The following ABCC11 variants were observed in gnomAD, a reference collection of about 807,000 sequenced individuals.
ABCC11 encodes ATP binding cassette subfamily C member 11, also known as ATP-binding cassette sub-family C member 11.
A neutral mutation model predicts 149.3 loss-of-function variants in ABCC11; 135 were observed. That is an observed-to-expected ratio of 0.90 (90% confidence interval 0.79 to 1.04). The LOEUF is 1.04. Among genes scored for constraint, ABCC11 ranks in the 50% least tolerant of loss-of-function variants. The probability of loss-of-function intolerance (pLI) is 0.00; values close to 1 mark genes in which losing one functional copy is unlikely to be tolerated. For missense variants in ABCC11, 1,680 were observed against 1,722.1 expected (o/e 0.98, Z 0.43); for synonymous variants, 665 against 671.4 (o/e 0.99, Z 0.15).
At chr16:48,227,086 G>C (rs1567285032) in intron 4 of ABCC11, among the ~76,000 whole-genome samples, 1 of 152,144 alleles carries the variant, frequency 6.6e-6, no homozygotes, top group Non-Finnish European at 1.5e-5. Flanking sequence ...TTGAGCACTG[G>C]GAGACTGGGC....
intron 25 of ABCC11, 96 bp from the exon 26 acceptor site, chr16:48,175,513 C>G (rs1419848144): frequency 3.6e-6 from 5 of 1,395,640 alleles, no homozygotes; most frequent in Admixed American, 4.6e-5. Flanking sequence ...CCGCTGCCCT[C>G]CGTGGCCCAT....
At chr16:48,202,094 A>G (rs1230213665) in intron 14 of ABCC11, among the ~76,000 whole-genome samples, 1 of 152,138 alleles carries the variant, frequency 6.6e-6, no homozygotes, top group East Asian at 1.9e-4. Context: ...ACACTATTCA[A>G]TGCCTACTGT....
chr16:48,243,187 G>T (rs1205174834), intron 1 of ABCC11, among the ~76,000 whole-genome samples: 1 of 151,494 alleles, frequency 6.6e-6, no homozygotes, highest in Non-Finnish European at 1.5e-5. Context: ...AGATCACGAG[G>T]TCAGGAGATT....
intron 1 of ABCC11, among the ~76,000 whole-genome samples, chr16:48,246,037 A>G (rs1971363233): frequency 6.6e-6 from 1 of 152,072 alleles, no homozygotes. Context: ...TTTCCTCAAA[A>G]TCTTGTGACT....
intron 15 of ABCC11, among the ~76,000 whole-genome samples, chr16:48,199,661 C>G (rs1379772870): frequency 7.9e-6 from 1 of 127,258 alleles, no homozygotes; most frequent in Admixed American, 8.3e-5. Context: ...CTTTTCTTTT[C>G]TTTTTTATTG....
At chr16:48,234,250 A>G (rs932691562) in intron 1 of ABCC11, among the ~76,000 whole-genome samples, 2 of 152,256 alleles carry the variant, frequency 1.3e-5, no homozygotes, top group Admixed American at 1.3e-4. Context: ...TAGAGATATA[A>G]TAGATGTAAG....
chr16:48,167,149 T>G lies in ABCC11; in HGVS notation c.*125A>C. ...CCAGCAATCCCCACCCCCCCTACAT[T>G]TACCCCTGCTTCCAGGAGAAGTTCT... On this transcript the variant is annotated 3_prime_UTR_variant, in exon 30 of 30. Transcript: ENST00000356608. The G allele has an allele frequency of 4.0e-6, 2 of 499,818 alleles. No homozygotes were observed. Among genetic ancestry groups the G allele is most frequent in the Admixed American group, 2.5e-5 (1 of 40,602 alleles). 31.0% of individuals were successfully genotyped at this position (499,818 alleles called of 1,614,324 possible).
At position 48,200,494 on chromosome 16, in the gene ABCC11, T is replaced by C. The variant is rs1292141511; in HGVS notation, c.1879-15A>G. ...CGCTCTCCAATCTGCAGACAGGCAGTAAAAGGCACCATGTCCAGACAGCAA... is the reference window on the plus strand; with the variant it reads ...CGCTCTCCAATCTGCAGACAGGCAGCAAAAGGCACCATGTCCAGACAGCAA... On this transcript the variant is annotated splice_polypyrimidine_tract_variant and intron_variant, in intron 14 of 29. Coordinates refer to ENST00000356608, the MANE Select transcript of ABCC11 (RefSeq NM_001370497.1). 1.2e-6 allele frequency: 2 copies of C among 1,612,502 alleles called. No homozygotes were observed. The highest frequency in any genetic ancestry group is 2.7e-5 in the African/African-American group (2 of 74,892).
At chr16:48,206,674 C>T (rs1968476829) in intron 12 of ABCC11, among the ~76,000 whole-genome samples, 1 of 152,212 alleles carries the variant, frequency 6.6e-6, no homozygotes, top group South Asian at 2.1e-4. Flanking sequence ...AACCACTGGG[C>T]ACGTAGGAGG....
chr16:48,230,415 C>A, intron 3 of ABCC11, 22 bp downstream of exon 3: 1 of 1,571,150 alleles, frequency 6.4e-7, no homozygotes. Flanking sequence ...AGCTCTCTCC[C>A]ACCACCCCCA....
At chr16:48,217,665 T>C (rs556359536) in intron 6 of ABCC11, among the ~76,000 whole-genome samples, 2 of 152,306 alleles carry the variant, frequency 1.3e-5, no homozygotes, top group East Asian at 3.9e-4. Context: ...TTCACTAATG[T>C]TTTCTAGAAT....
chr16:48,175,657 C>T (rs865948294), intron 25 of ABCC11, among the ~76,000 whole-genome samples: 8 of 152,148 alleles, frequency 5.3e-5, no homozygotes, highest in East Asian at 3.8e-4. Flanking sequence ...AAAGCCAGCC[C>T]GCAGACATGT....
Position 48,200,168 on chromosome 16 carries a change from T to G in ABCC11, c.2082+108A>C, listed in dbSNP as rs1022796363. The stretch of plus-strand genomic sequence containing the variant: ...AAATGTGGAGGAGTCTAACCTGAGA[T>G]GAGGACAGCTGCTGGGAGGCTGTTA... On this transcript the variant is annotated intron_variant, in intron 15 of 29. Coordinates refer to ENST00000356608, the MANE Select transcript of ABCC11 (RefSeq NM_001370497.1). 3.3e-6 allele frequency: 4 copies of G among 1,217,484 alleles called. No homozygotes were observed. In the Admixed American group the frequency reaches 8.1e-5, roughly 25 times the overall value. The allele number at this position is 1,217,484 out of a possible 1,614,324, so 75.4% of individuals were successfully genotyped here.
At position 48,200,300 on chromosome 16, in the gene ABCC11, G is replaced by A. The variant is rs775623649; in HGVS notation, c.2058C>T (p.Val686=). 1.4e-5 allele frequency: 22 copies of A among 1,613,992 alleles called. No homozygotes were observed. Among genetic ancestry groups the A allele is most frequent in the African/African-American group, 4.0e-5 (3 of 74,948 alleles). ...CIKKTLRGKT[V]VLVTHQLQYL... is the part of the protein sequence containing the mutation. ...CCTGCAGCTGGTGGGTCACCAGGAC[G>A]ACCGTCTTCCCCCTGAGTGTCTTCT... Residue 686 remains valine, a synonymous_variant, in exon 15 of 30, where the codon GTC becomes GTT. Transcript: ENST00000356608.
chr16:48,193,841 C>A (rs776445735), intron 19 of ABCC11, 38 bp downstream of exon 19: 1 of 1,548,550 alleles, frequency 6.5e-7, no homozygotes, highest in South Asian at 1.1e-5. Context: ...CTCACTCAAG[C>A]CCATAGAAAC....
Position 48,231,843 on chromosome 16 carries a change from T to C in ABCC11, c.79A>G (p.Met27Val), listed in dbSNP as rs1237805168. The C allele has an allele frequency of 8.7e-6, 14 of 1,614,198 alleles. No homozygotes were observed. The highest frequency in any genetic ancestry group is 2.5e-6 in the Non-Finnish European group (3 of 1,180,022). ...CTTACATAAATAAGTCCTGAAACCA[T>C]GTCATCGCCTATGTCGATGCCACGA... is the stretch of plus-strand genomic sequence containing the variant. The part of the protein sequence containing the change: ...VNRGIDIGDD[M>V]VSGLIYKTYT... The change falls in exon 2 of 30, where the codon ATG (methionine) becomes GTG (valine). Residue 27 changes from methionine to valine, a missense_variant. Transcript: ENST00000356608.
At position 48,170,913 on chromosome 16, in the gene ABCC11, C is replaced by T; in HGVS notation, c.3753G>A (p.Leu1251=). The T allele has an allele frequency of 1.9e-6, 3 of 1,614,052 alleles. No homozygotes were observed. Among genetic ancestry groups the T allele is most frequent in the Non-Finnish European group, 2.5e-6 (3 of 1,179,882 alleles). Residue 1251 remains leucine (L), a synonymous_variant, in exon 27 of 30, where the codon TTG becomes TTA. Transcript: ENST00000356608. The part of the protein sequence containing the change: ...RHTDQQIWDA[L]ERTFLTKAIS... ...CGGCCTTGGTCAGGAATGTCCTCTC[C>T]AAGGCATCCCAGATCTGCTGGTCAG...
At chr16:48,194,192 C>G (rs953538659) in intron 18 of ABCC11, among the ~76,000 whole-genome samples, 2 of 152,186 alleles carry the variant, frequency 1.3e-5, no homozygotes, top group Non-Finnish European at 2.9e-5. Flanking sequence ...AACCGTGTGA[C>G]CTTGGATAAG....
At position 48,227,016 on chromosome 16, in the gene ABCC11, A is replaced by G. The variant is rs1463985961; in HGVS notation, c.395+790T>C. Among the ~76,000 whole-genome samples, 19 of 152,204 alleles carry G rather than the reference A, an allele frequency of 1.2e-4. 1 individual carries two copies. The highest frequency in any genetic ancestry group is 6.3e-3 in the Middle Eastern group (2 of 316). On this transcript the variant is annotated intron_variant, in intron 4 of 29. Coordinates refer to ENST00000356608, the MANE Select transcript of ABCC11 (RefSeq NM_001370497.1). Reference sequence around the variant, plus strand: ...TCATATTCTCCCACCTTTTGTCCTCATATTACCGTGTGTGGTGGGTGGTAC... The same window carrying G: ...TCATATTCTCCCACCTTTTGTCCTCGTATTACCGTGTGTGGTGGGTGGTAC...
Sources: gnomAD v4.1 joint callset for allele counts (sites outside exome capture counted in the v4.1 genomes callset) on GRCh38, gnomAD v4.1.1 for gene constraint, MANE v1.5 for transcripts, NCBI Gene and HGNC (gene_info 2026-07-23, HGNC 2026-07-21) for gene names.